Variants in OSBP2 observed in about 807,000 individuals in gnomAD.
OSBP2 encodes the protein oxysterol-binding protein 2.
In OSBP2, 66 loss-of-function variants were observed where a neutral mutation model predicts 96.0. The observed-to-expected ratio is 0.69, with a 90% CI of 0.56 to 0.84. OSBP2 has a LOEUF of 0.84. Ranked by LOEUF, OSBP2 falls within the 40% of genes least tolerant of loss-of-function variation. The probability of loss-of-function intolerance (pLI) is 0.00; values close to 1 mark genes in which losing one functional copy is unlikely to be tolerated. For missense variants in OSBP2, 1,038 were observed against 1,222.7 expected (o/e 0.85, Z 2.25); for synonymous variants, 525 against 520.9 (o/e 1.01, Z -0.11).
At chr22:30,715,138 C>G (rs2089427448) in intron 1 of OSBP2, among the ~76,000 whole-genome samples, 1 of 151,842 alleles carries the variant, frequency 6.6e-6, no homozygotes, top group Non-Finnish European at 1.5e-5. Context: ...CTCAAGGAAT[C>G]CTCTCTCCTC....
intron 3 of OSBP2, among the ~76,000 whole-genome samples, chr22:30,874,740 C>T (rs188141954): frequency 6.6e-6 from 1 of 152,230 alleles, no homozygotes; most frequent in Non-Finnish European, 1.5e-5. Context: ...GTTTCAACCC[C>T]CCACGCCTTT....
At chr22:30,722,669 TTC>T (rs1233806988) in intron 1 of OSBP2, among the ~76,000 whole-genome samples, 4 of 151,734 alleles carry the variant, frequency 2.6e-5, no homozygotes, top group African/African-American at 9.6e-5. Flanking sequence ...CCCTCTCTTT[TTC>T]TCTTTCTTTC....
At chr22:30,783,148 T>C (rs73154647) in intron 2 of OSBP2, among the ~76,000 whole-genome samples, 7,275 of 143,904 alleles carry the variant, frequency 0.051, 242 homozygotes, top group Middle Eastern at 0.13. Context: ...CCCAGGAACC[T>C]GTGTGCATAT....
At chr22:30,733,656 A>G (rs1013608222) in intron 1 of OSBP2, among the ~76,000 whole-genome samples, 55 of 152,196 alleles carry the variant, frequency 3.6e-4, no homozygotes, top group Admixed American at 6.5e-5. Flanking sequence ...TAGTTGATGT[A>G]CAAGGTTTGG....
intron 2 of OSBP2, among the ~76,000 whole-genome samples, chr22:30,862,304 C>T (rs960221637): frequency 2.0e-5 from 3 of 152,224 alleles, no homozygotes; most frequent in Non-Finnish European, 1.5e-5. Context: ...CCCACCTGGT[C>T]CCACAGCCCC....
intron 1 of OSBP2, among the ~76,000 whole-genome samples, chr22:30,718,445 C>T (rs1021631896): frequency 6.6e-6 from 1 of 152,144 alleles, no homozygotes; most frequent in African/African-American, 2.4e-5. Context: ...GATGGGAAAC[C>T]ATCTGGAAGG....
At chr22:30,802,363 C>T (rs1274846836) in intron 2 of OSBP2, among the ~76,000 whole-genome samples, 1 of 152,208 alleles carries the variant, frequency 6.6e-6, no homozygotes, top group African/African-American at 2.4e-5. Context: ...GGGATGGGAC[C>T]GCATCTCCCC....
intron 2 of OSBP2, among the ~76,000 whole-genome samples, chr22:30,853,383 AG>A (rs2039013194): frequency 6.6e-6 from 1 of 152,142 alleles, no homozygotes; most frequent in Non-Finnish European, 1.5e-5. Flanking sequence ...TCTGTCCAAA[AG>A]TTTGCTTTCT....
intron 2 of OSBP2, among the ~76,000 whole-genome samples, chr22:30,842,993 A>G (rs1167966276): frequency 6.6e-6 from 1 of 152,122 alleles, no homozygotes; most frequent in Non-Finnish European, 1.5e-5. Context: ...CACGTTGGCC[A>G]GGCTGGTCTC....
rs2039426091 is a variant in OSBP2 at position 30,870,044 on chromosome 22, C to G, written c.854-385C>G. ...AGGCTCCATTCTGGGGGCCTCTGTGCCCAGAGAGCAGTCTCCACCTCTCCA... is the reference window on the plus strand; with the variant it reads ...AGGCTCCATTCTGGGGGCCTCTGTGGCCAGAGAGCAGTCTCCACCTCTCCA... On this transcript the variant is annotated intron_variant, in intron 2 of 13. Transcript: ENST00000332585. The surrounding 1 kb of genome is among the most constrained non-coding windows in gnomAD (Gnocchi z 4.1). 1.3e-5 allele frequency among the ~76,000 whole-genome samples: 2 copies of G among 152,196 alleles called. No individual in the cohort carries two copies. Among genetic ancestry groups the G allele is most frequent in the Non-Finnish European group, 2.9e-5 (2 of 68,022 alleles).
chr22:30,767,138 C>CAAAAAAAAAA (rs1156950666), intron 2 of OSBP2, among the ~76,000 whole-genome samples: 29 of 78,344 alleles, frequency 3.7e-4, no homozygotes, highest in East Asian at 7.3e-4. Flanking sequence ...ACTAAAAATA[C>CAAAAAAAAAA]AAAAAAAAAA....
At chr22:30,698,003 T>C (rs573452802) in intron 1 of OSBP2, among the ~76,000 whole-genome samples, 1 of 152,138 alleles carries the variant, frequency 6.6e-6, no homozygotes, top group Non-Finnish European at 1.5e-5. Flanking sequence ...AATTGCCACT[T>C]GAGATGTTTG....
chr22:30,889,584 G>A lies in OSBP2; in HGVS notation c.1571G>A (p.Trp524Ter). ...PNKPNYSLNL[W>*]SIMKNCIGRE... ...AAGCCCAACTACAGCCTTAACCTCT[G>A]GAGCATCATGAAGAACTGCATCGGC... is the stretch of plus-strand genomic sequence containing the variant. The change falls in exon 7 of 14, where the codon TGG becomes TAG. Residue 524 changes from tryptophan (W) to a stop codon, truncating the protein, a stop_gained. Transcript: ENST00000332585. LOFTEE classifies it high-confidence loss of function. 1.9e-6 allele frequency: 3 copies of A among 1,614,072 alleles called. No homozygotes were observed. The highest frequency in any genetic ancestry group is 2.5e-6 in the Non-Finnish European group (3 of 1,180,006).
At chr22:30,821,311 G>A (rs1007834144) in intron 2 of OSBP2, among the ~76,000 whole-genome samples, 1 of 152,196 alleles carries the variant, frequency 6.6e-6, no homozygotes, top group Non-Finnish European at 1.5e-5. Flanking sequence ...ACCAGAGTGG[G>A]AGCAGAGAGA....
chr22:30,790,647 C>A, intron 2 of OSBP2, among the ~76,000 whole-genome samples: 1 of 120,312 alleles, frequency 8.3e-6, no homozygotes. Flanking sequence ...ATATGTCAAA[C>A]TGCATTAAAA....
In OSBP2 at chr22:30,881,830, G is replaced by C. The variant is rs1477922029; in HGVS notation, c.1108-5596G>C. Reference sequence around the variant, plus strand: ...GGGTGCATCCGGGCTGGGGGAGGTGGACGGGCTCTCTGCATCCATGGGGTG... The same window carrying C: ...GGGTGCATCCGGGCTGGGGGAGGTGCACGGGCTCTCTGCATCCATGGGGTG... On this transcript the variant is annotated intron_variant, in intron 3 of 13. Coordinates refer to ENST00000332585, the MANE Select transcript of OSBP2 (RefSeq NM_030758.4). The surrounding 1 kb of genome is among the most constrained non-coding windows in gnomAD (Gnocchi z 4.5). 1.5e-6 allele frequency: 2 copies of C among 1,303,498 alleles called. No homozygotes were observed. Among genetic ancestry groups the C allele is most frequent in the African/African-American group, 1.5e-5 (1 of 65,870 alleles). The allele number at this position is 1,303,498 out of a possible 1,614,324, so 80.7% of individuals were successfully genotyped here. A position where few individuals can be genotyped will look rare whatever the true frequency, so the allele number is the denominator to read the frequency against.
chr22:30,906,076 C>A lies in OSBP2; in HGVS notation c.2608+7C>A. ...AGCTGCAGCTCGGAGGAAGGTGAGG[C>A]CGGGCGGGAAGGGCGCCCCGGAGGG... On this transcript the variant is annotated splice_region_variant and intron_variant, in intron 13 of 13. Transcript: ENST00000332585. 6.4e-7 allele frequency: 1 copy of A among 1,570,684 alleles called. No individual in the cohort carries two copies. The highest frequency in any genetic ancestry group is 1.2e-5 in the South Asian group (1 of 86,224).
intron 2 of OSBP2, among the ~76,000 whole-genome samples, chr22:30,838,842 T>A (rs960110349): frequency 1.1e-4 from 16 of 151,684 alleles, no homozygotes; most frequent in Non-Finnish European, 2.4e-4. Flanking sequence ...TGTTTTTTTT[T>A]ATTATTATTA....
intron 2 of OSBP2, among the ~76,000 whole-genome samples, chr22:30,757,223 C>A (rs1423735236): frequency 6.6e-6 from 1 of 152,128 alleles, no homozygotes; most frequent in Non-Finnish European, 1.5e-5. Flanking sequence ...CTTGCTTCCT[C>A]ATGCATAGAA....
Sources: allele counts gnomAD v4.1 joint callset (sites outside exome capture counted in the v4.1 genomes callset), GRCh38; gene constraint gnomAD v4.1.1; non-coding constraint Gnocchi (gnomAD v3.1); transcripts MANE v1.5; gene names NCBI Gene and HGNC (gene_info 2026-07-23, HGNC 2026-07-21).